TMEM181: variants seen among roughly 807,000 people sequenced by gnomAD.
TMEM181 encodes G protein-coupled receptor 178.
In TMEM181, 39 loss-of-function variants were observed where a neutral mutation model predicts 71.9. The observed-to-expected ratio is 0.54, with a 90% CI of 0.42 to 0.71. The LOEUF (loss-of-function observed/expected upper bound fraction) is 0.71, where lower values mean the gene tolerates loss of function less well. TMEM181 is among the 30% of genes least tolerant of loss of function. The probability of loss-of-function intolerance (pLI) is 0.00; values close to 1 mark genes in which losing one functional copy is unlikely to be tolerated. For missense variants in TMEM181, 595 were observed against 583.0 expected, an observed-to-expected ratio of 1.02 and a Z score of -0.21; for synonymous variants, 245 against 228.8, an observed-to-expected ratio of 1.07 and a Z score of -0.64.
intron 1 of TMEM181, among the ~76,000 whole-genome samples, chr6:158,569,917 C>CT (rs1336923783): frequency 6.6e-5 from 10 of 152,152 alleles, no homozygotes; most frequent in Admixed American, 2.0e-4. Context: ...CATGCCCTTT[C>CT]TTAAGGCCTC....
At position 158,625,201 on chromosome 6, in the gene TMEM181, A is replaced by C; in HGVS notation, c.1052A>C (p.Tyr351Ser). Residue 351 changes from tyrosine (Y) to serine (S), a missense_variant, in exon 12 of 17, where the codon TAT (tyrosine) becomes TCT (serine). Physicochemically the swap from Tyr to Ser is moderately radical, Grantham distance 144. Coordinates refer to ENST00000684151, the MANE Select transcript of TMEM181 (RefSeq NM_001376852.1). ...TGTTCCGAGCTACGTCACATGCCTT[A>C]TGTGGGTAAGTGCTCCTTTCAGAAT... ...RACSELRHMPYVDLRLKFLTA... is the reference protein window; with the variant it reads ...RACSELRHMPSVDLRLKFLTA... The C allele has an allele frequency of 1.2e-6, 2 of 1,613,880 alleles. No homozygotes were observed. Among genetic ancestry groups the C allele is most frequent in the Non-Finnish European group, 1.7e-6 (2 of 1,179,828 alleles).
upstream of TMEM181, chr6:158,560,023 A>C: frequency 1.0e-6 from 1 of 983,466 alleles, no homozygotes; most frequent in East Asian, 1.1e-4. Context: ...CCCCGCTTCC[A>C]CCGCGCCGCG....
In TMEM181 at chr6:158,629,789, G is replaced by A. The variant is rs1786557058; in HGVS notation, c.1252G>A (p.Val418Ile). 1.2e-6 allele frequency: 2 copies of A among 1,613,956 alleles called. No individual in the cohort carries two copies. Among genetic ancestry groups the A allele is most frequent in the African/African-American group, 1.3e-5 (1 of 74,888 alleles). ...CTTCTATCTCTACACCTTGGCCTTT[G>A]TATATTCTCCATCGAAGAATGCCCT... ...LNFYLYTLAFVYSPSKNALYE... is the reference protein window; with the variant it reads ...LNFYLYTLAFIYSPSKNALYE... The change falls in exon 15 of 17, where the codon GTA (valine) becomes ATA (isoleucine). Residue 418 changes from valine (V) to isoleucine (I), a missense_variant. Transcript: ENST00000684151.
chr6:158,609,235 C>T (rs1785147408), intron 10 of TMEM181, among the ~76,000 whole-genome samples: 2 of 152,114 alleles, frequency 1.3e-5, no homozygotes, highest in South Asian at 4.1e-4. Flanking sequence ...GTTCCCAGAC[C>T]CCCATTAACT....
intron 2 of TMEM181, among the ~76,000 whole-genome samples, chr6:158,576,848 G>A (rs1007488887): frequency 8.6e-5 from 13 of 151,856 alleles, no homozygotes; most frequent in South Asian, 2.1e-4. Flanking sequence ...GGATCACGAC[G>A]TCAGGAGATC....
In TMEM181 at chr6:158,572,381, G is replaced by A. The variant is rs1011520715; in HGVS notation, c.9-1039G>A. 2.2e-5 allele frequency: 10 copies of A among 456,400 alleles called. No homozygotes were observed. In the East Asian group the frequency reaches 4.9e-4, roughly 22 times the overall value. 28.3% of individuals were successfully genotyped at this position (456,400 alleles called of 1,614,324 possible). A position where few individuals can be genotyped will look rare whatever the true frequency, so the allele number is the denominator to read the frequency against. On this transcript the variant is annotated intron_variant, in intron 1 of 16. Transcript: ENST00000684151. Reference sequence around the variant, plus strand: ...AGGTGAGGTGCTCGGTCTCCTTCCCGCTGGTCTGGCTCCCAAGACCAGAAC... The same window carrying A: ...AGGTGAGGTGCTCGGTCTCCTTCCCACTGGTCTGGCTCCCAAGACCAGAAC...
chr6:158,567,338 C>T (rs1782568452), intron 1 of TMEM181, among the ~76,000 whole-genome samples: 1 of 152,234 alleles, frequency 6.6e-6, no homozygotes, highest in Non-Finnish European at 1.5e-5. Context: ...CCTAGCATCT[C>T]TCCACCAACT....
At chr6:158,579,798 A>G (rs1783372629) in intron 2 of TMEM181, among the ~76,000 whole-genome samples, 1 of 152,210 alleles carries the variant, frequency 6.6e-6, no homozygotes, top group African/African-American at 2.4e-5. Flanking sequence ...AGGACATTAT[A>G]CTAAGTAAAA....
chr6:158,584,129 A>C, intron 4 of TMEM181, 85 bp downstream of exon 4: 2 of 1,172,972 alleles, frequency 1.7e-6, no homozygotes, highest in Non-Finnish European at 2.4e-6. Flanking sequence ...TATTCAGACA[A>C]GCAAGTGCTC....
At position 158,575,439 on chromosome 6, in the gene TMEM181, C is replaced by T. The variant is rs766724546; in HGVS notation, c.112+1916C>T. On this transcript the variant is annotated intron_variant, in intron 2 of 16. Transcript: ENST00000684151. ...TTCCTCCCCAGTTCAAATGATTCTC[C>T]AGTAGCTGGGATTAGAGGCACCTGC... Among the ~76,000 whole-genome samples, 141 of 151,994 alleles carry T rather than the reference C, an allele frequency of 9.3e-4. 1 individual carries two copies. The highest frequency in any genetic ancestry group is 1.6e-3 in the Non-Finnish European group (110 of 67,994).
intron 1 of TMEM181, among the ~76,000 whole-genome samples, chr6:158,538,889 A>G (rs73799509): frequency 0.032 from 4,818 of 152,306 alleles, 253 homozygotes; most frequent in African/African-American, 0.11. Flanking sequence ...CCATAAAAAC[A>G]TGAAATGTTC....
chr6:158,545,345 C>T (rs1781492526), intron 1 of TMEM181, among the ~76,000 whole-genome samples: 1 of 152,274 alleles, frequency 6.6e-6, no homozygotes, highest in Admixed American at 6.5e-5. Context: ...GTGCCTGGGA[C>T]TGGCCTCCCC....
intron 2 of TMEM181, among the ~76,000 whole-genome samples, chr6:158,579,655 G>A (rs1421033863): frequency 6.6e-6 from 1 of 152,014 alleles, no homozygotes; most frequent in African/African-American, 2.4e-5. Flanking sequence ...GGAGGCAGAG[G>A]TTGCAGTGAG....
chr6:158,608,895 C>G, intron 10 of TMEM181, 145 bp downstream of exon 10: 1 of 723,798 alleles, frequency 1.4e-6, no homozygotes, highest in Non-Finnish European at 2.3e-6. Context: ...CTCAGGAGTT[C>G]AAGACCAGCC....
At position 158,610,802 on chromosome 6, in the gene TMEM181, C is replaced by T. The variant is rs746912793; in HGVS notation, c.896+2052C>T. ...CTGCTGCTGCTCACAGACAGGTAGC[C>T]GGCAGGCTTGGGGCTGCTGGTGCAC... On this transcript the variant is annotated intron_variant, in intron 10 of 16. Transcript: ENST00000684151. The T allele has an allele frequency of 3.5e-5, 11 of 311,104 alleles. No individual in the cohort carries two copies. The East Asian group carries it at 5.1e-4, about 14-fold the overall frequency. The allele number at this position is 311,104 out of a possible 1,614,324, so 19.3% of individuals were successfully genotyped here.
At chr6:158,590,571 C>T (rs1562639634) in intron 6 of TMEM181, among the ~76,000 whole-genome samples, 2 of 152,206 alleles carry the variant, frequency 1.3e-5, no homozygotes, top group East Asian at 3.9e-4. Flanking sequence ...TCAAGCAATT[C>T]TCCTGCCTCA....
intron 1 of TMEM181, among the ~76,000 whole-genome samples, chr6:158,537,402 C>T (rs1781162085): frequency 1.3e-5 from 2 of 152,202 alleles, no homozygotes; most frequent in South Asian, 4.1e-4. Flanking sequence ...GGGGAAGACG[C>T]GGCGGGGCGC....
chr6:158,536,999 G>A (rs920319902), intron 1 of TMEM181: 25 of 387,724 alleles, frequency 6.4e-5, no homozygotes, highest in Admixed American at 4.9e-4. Context: ...GGAGCCTACG[G>A]ATGGGGACGG....
intron 15 of TMEM181, 76 bp downstream of exon 15, chr6:158,629,895 C>T (rs983152276): frequency 1.6e-5 from 20 of 1,244,908 alleles, no homozygotes; most frequent in Middle Eastern, 3.9e-4. Flanking sequence ...ACCCACTTCC[C>T]GGGTTTCCCA....
Sources: gnomAD v4.1 joint callset for allele counts (sites outside exome capture counted in the v4.1 genomes callset) on GRCh38, gnomAD v4.1.1 for gene constraint, MANE v1.5 for transcripts, NCBI Gene and HGNC (gene_info 2026-07-23, HGNC 2026-07-21) for gene names.